The following SLC5A1 variants were observed in gnomAD, a reference collection of about 807,000 sequenced individuals.
SLC5A1 encodes solute carrier family 5 member 1, also known as sodium/glucose cotransporter 1.
Under a neutral mutation model 73.5 loss-of-function variants are expected in SLC5A1, and 42 were observed. The ratio of observed to expected loss-of-function variants is 0.57; its 90% CI spans 0.45 to 0.74. SLC5A1 has a LOEUF of 0.74. Ranked by LOEUF, SLC5A1 falls within the 30% of genes least tolerant of loss-of-function variation. The pLI, the probability that SLC5A1 is intolerant of heterozygous loss-of-function variation, is 0.00. For missense variants in SLC5A1, 634 were observed against 855.4 expected, an observed-to-expected ratio of 0.74 and a Z score of 3.23; for synonymous variants, 300 against 317.4, an observed-to-expected ratio of 0.95 and a Z score of 0.58.
At chr22:32,068,089 T>C in intron 4 of SLC5A1, 63 bp downstream of exon 4, 1 of 1,501,778 alleles carries the variant, frequency 6.7e-7, no homozygotes. Flanking sequence ...TTGGTCTTCC[T>C]AGAGGGCAGA....
At chr22:32,048,008 C>G (rs1249440367) in intron 1 of SLC5A1, among the ~76,000 whole-genome samples, 1 of 151,990 alleles carries the variant, frequency 6.6e-6, no homozygotes, top group Non-Finnish European at 1.5e-5. Context: ...AAAAATTAGC[C>G]AGGCGTGGTG....
At chr22:32,108,654 A>G (rs1196907656) in intron 14 of SLC5A1, among the ~76,000 whole-genome samples, 1 of 152,160 alleles carries the variant, frequency 6.6e-6, no homozygotes, top group African/African-American at 2.4e-5. Flanking sequence ...CTCTACCACA[A>G]TAAGAGAGGC....
In SLC5A1 at chr22:32,099,241, G is replaced by A. The variant is rs1489749698; in HGVS notation, c.1339G>A (p.Ala447Thr). 6.2e-7 allele frequency: 1 copy of A among 1,613,048 alleles called. No homozygotes were observed. Among genetic ancestry groups the A allele is most frequent in the Admixed American group, 1.7e-5 (1 of 59,968 alleles). The change falls in exon 12 of 15, where the codon GCA (alanine) becomes ACA (threonine). Residue 447 changes from alanine (A) to threonine (T), a missense_variant. Transcript: ENST00000266088. ...SIAWVPIVQS[A>T]QSGQLFDYIQ... ...CGCCTGGGTGCCCATTGTGCAGTCA[G>A]CACAAAGTGGGCAACTCTTCGATTA...
Position 32,043,331 on chromosome 22 carries a change from T to G in SLC5A1, c.50T>G (p.Val17Gly). ...AAGACCACCGCGGTCACCCGGCCTGTTGAGACCCACGAGCTCATTCGCAAT... is the reference window on the plus strand; with the variant it reads ...AAGACCACCGCGGTCACCCGGCCTGGTGAGACCCACGAGCTCATTCGCAAT... Reference protein sequence around the residue: ...SPKTTAVTRPVETHELIRNAA... With the variant: ...SPKTTAVTRPGETHELIRNAA... Residue 17 changes from valine (V) to glycine (G), a missense_variant, in exon 1 of 15, where the codon GTT (valine) becomes GGT (glycine). Val to Gly is a moderately radical substitution (Grantham distance 109). Transcript: ENST00000266088. This position sits in a 1 kb window ranked among gnomAD's most constrained non-coding sequence, Gnocchi z 6.5. 1 of 1,614,198 alleles carries G rather than the reference T, an allele frequency of 6.2e-7. No individual in the cohort carries two copies. Among genetic ancestry groups the G allele is most frequent in the Non-Finnish European group, 8.5e-7 (1 of 1,180,028 alleles).
At position 32,067,015 on chromosome 22, in the gene SLC5A1, C is replaced by T. The variant is rs1279398602; in HGVS notation, c.288C>T (p.Ile96=). The T allele has an allele frequency of 6.8e-6, 11 of 1,613,258 alleles. No individual in the cohort carries two copies. The highest frequency in any genetic ancestry group is 4.5e-5 in the East Asian group (2 of 44,860). ...GLAGTGAASG[I]AIGGFEWNAL... ...CCGGGACTGGGGCAGCTTCAGGCAT[C>T]GCCATTGGAGGCTTTGAATGGAATG... is the stretch of plus-strand genomic sequence containing the variant. Residue 96 remains isoleucine (I), a synonymous_variant, in exon 3 of 15, where the codon ATC becomes ATT. Coordinates refer to ENST00000266088, the MANE Select transcript of SLC5A1 (RefSeq NM_000343.4).
intron 5 of SLC5A1, 47 bp from the exon 6 acceptor site, chr22:32,081,819 G>A: frequency 8.4e-7 from 1 of 1,197,226 alleles, no homozygotes; most frequent in Non-Finnish European, 1.2e-6. Context: ...GGCCCTGTAG[G>A]CAGCTGACCA....
chr22:32,090,115 AAAC>A (rs1042260608), intron 10 of SLC5A1, among the ~76,000 whole-genome samples: 1 of 151,916 alleles, frequency 6.6e-6, no homozygotes, highest in African/African-American at 2.4e-5. Context: ...AAAAAAAAAA[AAAC>A]AAAAAAACTT....
chr22:32,088,542 T>C (rs771849478), intron 10 of SLC5A1, among the ~76,000 whole-genome samples: 27 of 152,236 alleles, frequency 1.8e-4, no homozygotes, highest in African/African-American at 2.9e-4. Context: ...TTTCACCACA[T>C]TGGCCACGCT....
At chr22:32,060,199 A>ATATATTT (rs1555962203) in intron 2 of SLC5A1, among the ~76,000 whole-genome samples, 1 of 136,560 alleles carries the variant, frequency 7.3e-6, no homozygotes, top group Non-Finnish European at 1.6e-5. Context: ...ATATATATAT[A>ATATATTT]TTTTTTTAAG....
intron 12 of SLC5A1, among the ~76,000 whole-genome samples, chr22:32,100,575 G>A (rs752121807): frequency 2.0e-5 from 3 of 151,876 alleles, no homozygotes; most frequent in Non-Finnish European, 2.9e-5. Context: ...AAATTATTTC[G>A]TGGCAAATTT....
At chr22:32,044,754 A>G (rs991538089) in intron 1 of SLC5A1, among the ~76,000 whole-genome samples, 2 of 152,164 alleles carry the variant, frequency 1.3e-5, no homozygotes, top group African/African-American at 4.8e-5. Context: ...TAACATAGGT[A>G]CACTCTTATC....
chr22:32,068,158 A>T, intron 4 of SLC5A1, 132 bp downstream of exon 4: 6 of 909,608 alleles, frequency 6.6e-6, no homozygotes, highest in Admixed American at 1.7e-5. Context: ...CTCCCAGGTT[A>T]TGAAATTCCC....
At chr22:32,085,878 AC>A (rs1335767676) in intron 9 of SLC5A1, among the ~76,000 whole-genome samples, 7 of 152,112 alleles carry the variant, frequency 4.6e-5, no homozygotes, top group Non-Finnish European at 8.8e-5. Context: ...ACGGTGGCTC[AC>A]GCCTGTAATC....
chr22:32,083,113 C>A lies in SLC5A1; in HGVS notation c.623C>A (p.Thr208Lys). The A allele has an allele frequency of 6.2e-7, 1 of 1,614,098 alleles. No homozygotes were observed. Among genetic ancestry groups the A allele is most frequent in the African/African-American group, 1.3e-5 (1 of 75,018 alleles). ...AAVIYTDTLQTVIMLVGSLIL... is the reference protein window; with the variant it reads ...AAVIYTDTLQKVIMLVGSLIL... ...GTGATTTACACGGACACCTTGCAGA[C>A]GGTGATCATGCTGGTGGGGTCTTTA... The change falls in exon 7 of 15, where the codon ACG becomes AAG. Residue 208 changes from threonine to lysine, a missense_variant. Coordinates refer to ENST00000266088, the MANE Select transcript of SLC5A1 (RefSeq NM_000343.4).
intron 5 of SLC5A1, among the ~76,000 whole-genome samples, chr22:32,070,182 T>G (rs1333992696): frequency 6.8e-6 from 1 of 146,570 alleles, no homozygotes; most frequent in African/African-American, 2.5e-5. Context: ...GCTGACCTAC[T>G]GGAGCAAACA....
intron 5 of SLC5A1, among the ~76,000 whole-genome samples, chr22:32,076,224 T>A (rs1366979180): frequency 6.6e-6 from 1 of 152,254 alleles, no homozygotes; most frequent in Non-Finnish European, 1.5e-5. Context: ...CATTGGCAGC[T>A]GTGATGTGGA....
intron 5 of SLC5A1, among the ~76,000 whole-genome samples, chr22:32,075,430 C>A (rs116058355): frequency 6.6e-6 from 1 of 152,022 alleles, no homozygotes; most frequent in East Asian, 1.9e-4. Context: ...TTATGTTCTG[C>A]GCTTTCATTT....
intron 1 of SLC5A1, among the ~76,000 whole-genome samples, chr22:32,049,170 T>C (rs2093941606): frequency 1.5e-4 from 1 of 6,498 alleles, no homozygotes; most frequent in South Asian, 7.5e-3. Flanking sequence ...ATAATCTATA[T>C]CTATATCTAT....
chr22:32,104,688 C>G (rs572960025), intron 13 of SLC5A1, 98 bp from the exon 14 acceptor site: 1 of 823,382 alleles, frequency 1.2e-6, no homozygotes, highest in Non-Finnish European at 2.1e-6. Flanking sequence ...ATGCCACATT[C>G]CCTTCCCTTC....
Sources: allele counts gnomAD v4.1 joint callset (sites outside exome capture counted in the v4.1 genomes callset), GRCh38; gene constraint gnomAD v4.1.1; non-coding constraint Gnocchi (gnomAD v3.1); transcripts MANE v1.5; gene names NCBI Gene and HGNC (gene_info 2026-07-23, HGNC 2026-07-21).